KIAA0825: variants seen among roughly 807,000 people sequenced by gnomAD.
KIAA0825 encodes the protein KIAA0825, also known as uncharacterized protein KIAA0825.
In KIAA0825, 119 loss-of-function variants were observed where a neutral mutation model predicts 147.6. That is an observed-to-expected ratio of 0.81 (90% CI 0.69 to 0.94). KIAA0825 has a LOEUF of 0.94. KIAA0825 is among the 40% of genes least tolerant of loss of function. The pLI is 0.00. For synonymous variants in KIAA0825, 470 were observed against 518.1 expected, an observed-to-expected ratio of 0.91 and a Z score of 1.26; for missense variants, 1,381 against 1,472.7, an observed-to-expected ratio of 0.94 and a Z score of 1.02.
chr5:94,492,862 A>G (rs554515430), intron 5 of KIAA0825, among the ~76,000 whole-genome samples: 1 of 152,332 alleles, frequency 6.6e-6, no homozygotes, highest in East Asian at 1.9e-4. Context: ...CTGTTATTTA[A>G]TTGACTCCAT....
intron 20 of KIAA0825, among the ~76,000 whole-genome samples, chr5:94,255,915 T>C (rs1181478406): frequency 6.6e-6 from 1 of 151,848 alleles, no homozygotes; most frequent in Non-Finnish European, 1.5e-5. Flanking sequence ...GGTCTCATTA[T>C]CTTACCTAGG....
At chr5:94,267,508 C>T (rs1776787599) in intron 20 of KIAA0825, among the ~76,000 whole-genome samples, 1 of 152,028 alleles carries the variant, frequency 6.6e-6, no homozygotes, top group Non-Finnish European at 1.5e-5. Context: ...TATCACTGAG[C>T]CAGATTAAGA....
intron 3 of KIAA0825, among the ~76,000 whole-genome samples, chr5:94,530,422 C>T (rs1770555417): frequency 6.6e-6 from 1 of 151,972 alleles, no homozygotes; most frequent in Non-Finnish European, 1.5e-5. Flanking sequence ...GTAGCTAGGA[C>T]TACAGGCATG....
intron 20 of KIAA0825, among the ~76,000 whole-genome samples, chr5:94,178,457 G>A (rs1217099180): frequency 1.3e-5 from 2 of 151,860 alleles, no homozygotes; most frequent in African/African-American, 4.8e-5. Context: ...TTATGAGAAG[G>A]AAGTCTCCTT....
chr5:94,484,387 G>A (rs1762810804), intron 6 of KIAA0825, among the ~76,000 whole-genome samples: 1 of 151,618 alleles, frequency 6.6e-6, no homozygotes, highest in East Asian at 1.9e-4. Context: ...AGAAAATTCA[G>A]GTCTAAGGAG....
At chr5:94,332,799 T>G (rs764842889) in intron 20 of KIAA0825, among the ~76,000 whole-genome samples, 5 of 152,190 alleles carry the variant, frequency 3.3e-5, no homozygotes, top group Non-Finnish European at 5.9e-5. Flanking sequence ...CTTGAGTAAT[T>G]GCCACAATAT....
Position 94,597,307 on chromosome 5 carries a change from C to CATAAAACAT in KIAA0825, c.-152-14733_-152-14725dup, listed in dbSNP as rs1434358877. 5.3e-5 allele frequency among the ~76,000 whole-genome samples: 8 copies of CATAAAACAT among 151,968 alleles called. No homozygotes were observed. In the East Asian group the frequency reaches 7.7e-4, roughly 15 times the overall value. ...TCAATAAATTTTAAAAGAATATAATCATAAAACATATGTTTTATCAGCACA... is the reference window on the plus strand; with the variant it reads ...TCAATAAATTTTAAAAGAATATAATCATAAAACATATAAAACATATGTTTTATCAGCACA... On this transcript the variant is annotated intron_variant, in intron 1 of 20. Coordinates refer to ENST00000682413, the MANE Select transcript of KIAA0825 (RefSeq NM_001145678.3).
chr5:94,427,015 T>G (rs184805824), intron 14 of KIAA0825, among the ~76,000 whole-genome samples: 1 of 152,200 alleles, frequency 6.6e-6, no homozygotes, highest in African/African-American at 2.4e-5. Flanking sequence ...GAAGACTGTA[T>G]GGTATACAAG....
intron 20 of KIAA0825, among the ~76,000 whole-genome samples, chr5:94,300,733 A>G (rs1778359890): frequency 6.6e-6 from 1 of 152,154 alleles, no homozygotes; most frequent in East Asian, 1.9e-4. Flanking sequence ...AAAAACTTTG[A>G]ATTTGCTAAA....
At chr5:94,223,626 A>G (rs528450339) in intron 20 of KIAA0825, among the ~76,000 whole-genome samples, 2 of 152,330 alleles carry the variant, frequency 1.3e-5, no homozygotes, top group East Asian at 3.9e-4. Flanking sequence ...AAGTATTCCT[A>G]TGATGTACAA....
chr5:94,433,754 T>C (rs1290416013), intron 14 of KIAA0825, among the ~76,000 whole-genome samples: 1 of 152,216 alleles, frequency 6.6e-6, no homozygotes, highest in African/African-American at 2.4e-5. Context: ...GTCTGGAACA[T>C]GTTAAATAGT....
At chr5:94,236,927 A>C (rs1275574637) in intron 20 of KIAA0825, among the ~76,000 whole-genome samples, 1 of 152,160 alleles carries the variant, frequency 6.6e-6, no homozygotes, top group Non-Finnish European at 1.5e-5. Context: ...GTGTAAACGT[A>C]AGTGTTATGT....
At chr5:94,244,849 T>C (rs963358559) in intron 20 of KIAA0825, among the ~76,000 whole-genome samples, 1 of 152,206 alleles carries the variant, frequency 6.6e-6, no homozygotes, top group Non-Finnish European at 1.5e-5. Context: ...ATGGTATCCA[T>C]TGACACAATT....
chr5:94,333,328 T>G (rs1781472233), intron 20 of KIAA0825, among the ~76,000 whole-genome samples: 1 of 152,228 alleles, frequency 6.6e-6, no homozygotes. Context: ...TGGTATTGCC[T>G]AGGTTTTCTT....
chr5:94,328,195 C>A (rs1167371692), intron 20 of KIAA0825, among the ~76,000 whole-genome samples: 3 of 151,996 alleles, frequency 2.0e-5, no homozygotes, highest in Admixed American at 2.0e-4. Context: ...CATTTAAAGG[C>A]ATTTTTATGT....
At chr5:94,430,594 T>C (rs1190505410) in intron 14 of KIAA0825, among the ~76,000 whole-genome samples, 1 of 152,216 alleles carries the variant, frequency 6.6e-6, no homozygotes, top group Admixed American at 6.5e-5. Flanking sequence ...TGAAATAATA[T>C]GTTAAATCAT....
At chr5:94,490,314 G>GT (rs1763583192) in intron 5 of KIAA0825, among the ~76,000 whole-genome samples, 1 of 152,066 alleles carries the variant, frequency 6.6e-6, no homozygotes, top group South Asian at 2.1e-4. Flanking sequence ...CCAGAACAAA[G>GT]TAAGATTTTA....
chr5:94,302,648 T>C (rs1254549608), intron 20 of KIAA0825, among the ~76,000 whole-genome samples: 1 of 152,116 alleles, frequency 6.6e-6, no homozygotes, highest in Non-Finnish European at 1.5e-5. Context: ...TTAAATATGA[T>C]TTTTATATGA....
chr5:94,570,528 C>T (rs1779766514), intron 2 of KIAA0825: 1 of 152,460 alleles, frequency 6.6e-6, no homozygotes, highest in Middle Eastern at 3.4e-3. Flanking sequence ...TTCCTAGCCA[C>T]AGACCTTCTT....
Sources: allele counts gnomAD v4.1 joint callset (sites outside exome capture counted in the v4.1 genomes callset), GRCh38; gene constraint gnomAD v4.1.1; transcripts MANE v1.5; gene names NCBI Gene and HGNC (gene_info 2026-07-23, HGNC 2026-07-21).